The following PXMP2 variants were observed in gnomAD, a reference collection of about 807,000 sequenced individuals.
The protein encoded by PXMP2 is peroxisomal membrane protein 2, also known as 22 kDa peroxisomal membrane protein.
A neutral mutation model predicts 20.2 loss-of-function variants in PXMP2; 13 were observed. The observed-to-expected ratio is 0.64, with a 90% CI of 0.42 to 1.02. PXMP2 has a LOEUF of 1.02. Among genes scored for constraint, PXMP2 ranks in the 50% least tolerant of loss-of-function variants. The pLI, the probability that PXMP2 is intolerant of heterozygous loss-of-function variation, is 0.00. For missense variants in PXMP2, 284 were observed against 251.8 expected, an observed-to-expected ratio of 1.13 and a Z score of -0.87; for synonymous variants, 113 against 111.2, an observed-to-expected ratio of 1.02 and a Z score of -0.10.
At chr12:132,702,566 T>C in intron 4 of PXMP2, 1 of 274,740 alleles carries the variant, frequency 3.6e-6, no homozygotes, top group African/African-American at 2.3e-5. Context: ...CCCCAGAAGG[T>C]ATGCCGCCCA....
chr12:132,694,476 AGCCAGTTAGTTAGTGAGCGCCCTT>A (rs2043396302), intron 2 of PXMP2, among the ~76,000 whole-genome samples: 1 of 56,592 alleles, frequency 1.8e-5, no homozygotes, highest in Non-Finnish European at 4.3e-5. Context: ...GAGCTCCCTT[AGCCAGTTAGTTAGTGAGCGCCCTT>A]GCCAGTTAGT....
In PXMP2 at chr12:132,694,036, G is replaced by A. The variant is rs866382161; in HGVS notation, c.237-1848G>A. ...TCCCTTAGCCAGTTAGTTAGTGAGC[G>A]CCCTTGCCAGTTAGTTAAGTGAGCG... On this transcript the variant is annotated intron_variant, in intron 2 of 4. Coordinates refer to ENST00000317479, the MANE Select transcript of PXMP2 (RefSeq NM_018663.3). 3.2e-4 allele frequency among the ~76,000 whole-genome samples: 37 copies of A among 116,280 alleles called. 7 individuals carry two copies. Among genetic ancestry groups the A allele is most frequent in the Admixed American group, 9.1e-5 (1 of 11,026 alleles). 76.3% of individuals were successfully genotyped at this position (116,280 alleles called of 152,430 possible).
rs1017816070 is a variant in PXMP2, at chr12:132,696,112, C to G, written c.399+66C>G. On this transcript the variant is annotated intron_variant, in intron 3 of 4. Transcript: ENST00000317479. This position sits in a 1 kb window ranked among gnomAD's most constrained non-coding sequence, Gnocchi z 4.4. ...GCACAGGGATTCTTCACCTGACATT[C>G]TCGGCAGAATTCAGAGGGTCTGCAG... The G allele has an allele frequency of 1.0e-5, 15 of 1,465,814 alleles. No individual in the cohort carries two copies. Among genetic ancestry groups the G allele is most frequent in the African/African-American group, 1.4e-5 (1 of 70,516 alleles). 90.8% of individuals were successfully genotyped at this position (1,465,814 alleles called of 1,614,324 possible).
rs1347068112 is a variant in PXMP2 at position 132,693,756 on chromosome 12, AGCCAGTTAGTTAGTGAGCG to A, written c.237-2127_237-2109del. On this transcript the variant is annotated intron_variant, in intron 2 of 4. Transcript: ENST00000317479. The stretch of plus-strand genomic sequence containing the variant: ...TGCCAGTTAGTTAGTGAGCTCCCTT[AGCCAGTTAGTTAGTGAGCG>A]CCCTTGCCAGTTAGTTAGTTAGCTC... Among the ~76,000 whole-genome samples the A allele has an allele frequency of 8.6e-4, 43 of 50,148 alleles. 1 individual carries two copies. The highest frequency in any genetic ancestry group is 1.6e-3 in the Non-Finnish European group (30 of 18,294). 32.9% of individuals were successfully genotyped at this position (50,148 alleles called of 152,430 possible). A position where few individuals can be genotyped will look rare whatever the true frequency, so the allele number is the denominator to read the frequency against.
intron 4 of PXMP2, among the ~76,000 whole-genome samples, chr12:132,702,990 G>A (rs1250839818): frequency 6.6e-6 from 1 of 152,220 alleles, no homozygotes; most frequent in African/African-American, 2.4e-5. Context: ...AGCCAAAGTT[G>A]CCAGGAGTTA....
At chr12:132,693,641 C>CAGTT (rs536381033) in intron 2 of PXMP2, among the ~76,000 whole-genome samples, 5 of 50,042 alleles carry the variant, frequency 1.0e-4, no homozygotes, top group Non-Finnish European at 2.1e-4. Context: ...GCGCCCTTGC[C>CAGTT]AGTTAGTGAG....
At position 132,690,278 on chromosome 12, in the gene PXMP2, A is replaced by C. The variant is rs1383629262; in HGVS notation, c.138A>C (p.Ala46=). Residue 46 remains alanine (A), a synonymous_variant, in exon 2 of 5, where the codon GCA becomes GCC. Coordinates refer to ENST00000317479, the MANE Select transcript of PXMP2 (RefSeq NM_018663.3). ...CTCTCCACAGTGGCATTTTGTCAGC[A>C]CTTGGGAACTTCCTGGCCCAGATGA... ...TKAATSGILS[A]LGNFLAQMIE... 2 of 1,614,006 alleles carry C rather than the reference A, an allele frequency of 1.2e-6. No individual in the cohort carries two copies. Among genetic ancestry groups the C allele is most frequent in the Non-Finnish European group, 8.5e-7 (1 of 1,179,922 alleles).
At chr12:132,692,310 T>C (rs1222618517) in intron 2 of PXMP2, among the ~76,000 whole-genome samples, 3 of 144,166 alleles carry the variant, frequency 2.1e-5, no homozygotes, top group African/African-American at 7.8e-5. Context: ...GCCAGTTAAT[T>C]AGTGAGCTCC....
At chr12:132,687,962 C>T in intron 1 of PXMP2, 170 bp downstream of exon 1, 2 of 601,260 alleles carry the variant, frequency 3.3e-6, no homozygotes, top group Non-Finnish European at 4.4e-6. Flanking sequence ...GCGACACCCG[C>T]GTCCGCAGTC....
chr12:132,697,455 TGGA>T (rs528081288), intron 3 of PXMP2, among the ~76,000 whole-genome samples: 78 of 152,164 alleles, frequency 5.1e-4, no homozygotes, highest in Middle Eastern at 3.4e-3. Flanking sequence ...TTGCCCAGGC[TGGA>T]GTGCAGTGGT....
At chr12:132,695,828 A>G in intron 2 of PXMP2, 56 bp from the exon 3 acceptor site, 1 of 1,537,030 alleles carries the variant, frequency 6.5e-7, no homozygotes, top group East Asian at 2.3e-5. Flanking sequence ...AAGCTAGACC[A>G]GAGAAGAGCA....
At chr12:132,701,535 A>C (rs2043441965) in intron 4 of PXMP2, 166 bp downstream of exon 4, 6 of 962,462 alleles carry the variant, frequency 6.2e-6, no homozygotes, top group Non-Finnish European at 8.9e-6. Context: ...AGACTCCTCA[A>C]CTACCCTTGG....
intron 3 of PXMP2, among the ~76,000 whole-genome samples, chr12:132,698,091 AC>A (rs2043420122): frequency 6.6e-6 from 1 of 151,278 alleles, no homozygotes; most frequent in Admixed American, 6.6e-5. Flanking sequence ...GCTCACTGCA[AC>A]CTTCGCCTCT....
Position 132,701,377 on chromosome 12 carries a change from C to T in PXMP2, c.519+8C>T, listed in dbSNP as rs2043440404. 1 of 1,611,666 alleles carries T rather than the reference C, an allele frequency of 6.2e-7. No individual in the cohort carries two copies. Among genetic ancestry groups the T allele is most frequent in the Non-Finnish European group, 8.5e-7 (1 of 1,179,530 alleles). On this transcript the variant is annotated splice_region_variant and intron_variant, in intron 4 of 4. Transcript: ENST00000317479. ...AACTACGTCCCTCTGAAGGTGAGGG[C>T]CACGGGGCTCAGCCTCTGCTAACAT...
intron 2 of PXMP2, among the ~76,000 whole-genome samples, chr12:132,692,669 AGCCAGTTAGTTAGTGAGCGCCCTT>A (rs1565990621): frequency 0.1 from 6,417 of 63,922 alleles, 26 homozygotes; most frequent in Non-Finnish European, 0.15. Flanking sequence ...GAGCGCCCTT[AGCCAGTTAGTTAGTGAGCGCCCTT>A]GCCAGTTAGT....
Position 132,687,749 on chromosome 12 carries a change from C to A in PXMP2, c.79C>A (p.Leu27Ile). Residue 27 changes from leucine to isoleucine, a missense_variant, in exon 1 of 5, where the codon CTC (leucine) becomes ATC (isoleucine). Physicochemically the swap from Leu to Ile is conservative, Grantham distance 5. Transcript: ENST00000317479. ...GCGGCGGGCGCTCGCCCAGTACCTGCTCTTCCTGCGGCTCTACCCGGTGCT... is the reference window on the plus strand; with the variant it reads ...GCGGCGGGCGCTCGCCCAGTACCTGATCTTCCTGCGGCTCTACCCGGTGCT... The part of the protein sequence containing the change: ...LPRRALAQYL[L>I]FLRLYPVLTK... 1 of 1,219,902 alleles carries A rather than the reference C, an allele frequency of 8.2e-7. No individual in the cohort carries two copies. Among genetic ancestry groups the A allele is most frequent in the Non-Finnish European group, 1.0e-6 (1 of 977,128 alleles). 75.6% of individuals were successfully genotyped at this position (1,219,902 alleles called of 1,614,324 possible). A position where few individuals can be genotyped will look rare whatever the true frequency, so the allele number is the denominator to read the frequency against.
At position 132,704,531 on chromosome 12, in the gene PXMP2, G is replaced by A. The variant is rs2043459594; in HGVS notation, c.520-88G>A. Reference sequence around the variant, plus strand: ...GGTTGGACCAGCTGACCAACAAACGGGTAAACAAATGAACTGGGTGACTGA... The same window carrying A: ...GGTTGGACCAGCTGACCAACAAACGAGTAAACAAATGAACTGGGTGACTGA... On this transcript the variant is annotated intron_variant, in intron 4 of 4. Coordinates refer to ENST00000317479, the MANE Select transcript of PXMP2 (RefSeq NM_018663.3). The A allele has an allele frequency of 9.0e-6, 10 of 1,105,236 alleles. No homozygotes were observed. In the Admixed American group the frequency reaches 3.0e-4, roughly 33 times the overall value. The allele number at this position is 1,105,236 out of a possible 1,614,324, so 68.5% of individuals were successfully genotyped here. A position where few individuals can be genotyped will look rare whatever the true frequency, so the allele number is the denominator to read the frequency against.
intron 3 of PXMP2, among the ~76,000 whole-genome samples, chr12:132,700,228 T>G (rs1406676358): frequency 6.6e-6 from 1 of 151,830 alleles, no homozygotes; most frequent in Non-Finnish European, 1.5e-5. Flanking sequence ...TTTTTTTTTT[T>G]GGTAGAGACA....
intron 1 of PXMP2, among the ~76,000 whole-genome samples, chr12:132,689,348 G>A (rs2043351597): frequency 1.3e-5 from 2 of 152,182 alleles, no homozygotes; most frequent in East Asian, 1.9e-4. Context: ...TTGAGAAGGT[G>A]ACATTGAACA....
Sources: gnomAD v4.1 joint callset for allele counts (sites outside exome capture counted in the v4.1 genomes callset) on GRCh38, gnomAD v4.1.1 for gene constraint, Gnocchi (gnomAD v3.1) non-coding constraint, MANE v1.5 for transcripts, NCBI Gene and HGNC (gene_info 2026-07-23, HGNC 2026-07-21) for gene names.